Variants in SMIM13 observed in about 807,000 individuals in gnomAD.
SMIM13 encodes the protein UPF0766 protein C6orf228.
In SMIM13, 3 loss-of-function variants were observed where a neutral mutation model predicts 5.9. That is an observed-to-expected ratio of 0.51 (90% CI 0.23 to 1.31). The LOEUF (loss-of-function observed/expected upper bound fraction) is 1.31. Ranked by LOEUF, SMIM13 falls within the 40% of genes most tolerant of loss-of-function variation. The pLI is 0.18. For synonymous variants in SMIM13, 55 were observed against 46.0 expected (o/e 1.19, Z -0.79); for missense variants, 85 against 109.9 (o/e 0.77, Z 1.01).
chr6:11,124,516 A>G (rs1211400990), intron 1 of SMIM13, among the ~76,000 whole-genome samples: 1 of 152,030 alleles, frequency 6.6e-6, no homozygotes, highest in Non-Finnish European at 1.5e-5. Context: ...TAGGTGGGGA[A>G]ATACCTAGCA....
At chr6:11,095,591 A>G (rs2113634349) in intron 1 of SMIM13, among the ~76,000 whole-genome samples, 1 of 152,326 alleles carries the variant, frequency 6.6e-6, no homozygotes. Context: ...ACCTCATGTG[A>G]TCTACCCGCC....
At chr6:11,101,991 G>A (rs1256344957) in intron 1 of SMIM13, among the ~76,000 whole-genome samples, 2 of 152,116 alleles carry the variant, frequency 1.3e-5, no homozygotes, top group East Asian at 3.9e-4. Context: ...GCCCACCTCA[G>A]CCTCCCAAAG....
At chr6:11,127,835 T>C (rs549259828) in intron 1 of SMIM13, among the ~76,000 whole-genome samples, 13 of 152,210 alleles carry the variant, frequency 8.5e-5, no homozygotes, top group African/African-American at 3.1e-4. Flanking sequence ...GTGGTGAGAT[T>C]TGGGTGGGGA....
intron 1 of SMIM13, among the ~76,000 whole-genome samples, chr6:11,120,597 CA>C (rs1758297158): frequency 6.6e-6 from 1 of 152,200 alleles, no homozygotes; most frequent in Non-Finnish European, 1.5e-5. Flanking sequence ...TGGGAGCACA[CA>C]AACATTCAGA....
chr6:11,128,953 C>T (rs556369039), intron 1 of SMIM13, among the ~76,000 whole-genome samples: 3 of 152,184 alleles, frequency 2.0e-5, no homozygotes, highest in African/African-American at 7.2e-5. Context: ...TTCCTACCCT[C>T]TTCAGTGCCT....
rs557762758 is a variant in SMIM13, at chr6:11,119,980, A to G, written c.77-14423A>G. 1.1e-3 allele frequency among the ~76,000 whole-genome samples: 160 copies of G among 152,338 alleles called. 1 individual carries two copies. In the South Asian group the frequency reaches 0.023, roughly 22 times the overall value. ...GAGCTTGGCTTACTTGGTTTAGTCT[A>G]CATTTAGGATTTGGACATACTGTCT... On this transcript the variant is annotated intron_variant, in intron 1 of 1. Coordinates refer to ENST00000416247, the MANE Select transcript of SMIM13 (RefSeq NM_001135575.2).
chr6:11,117,324 C>T (rs1490118811), intron 1 of SMIM13, among the ~76,000 whole-genome samples: 11 of 135,176 alleles, frequency 8.1e-5, no homozygotes, highest in East Asian at 6.5e-4. Context: ...CCACTACGCC[C>T]GGCTAATTTT....
At chr6:11,103,575 G>T in intron 1 of SMIM13, 1 of 1,407,082 alleles carries the variant, frequency 7.1e-7, no homozygotes, top group Non-Finnish European at 9.3e-7. Context: ...CCTCTTGCTA[G>T]CTGTCAGGGC....
chr6:11,103,545 G>A, intron 1 of SMIM13: 1 of 1,179,574 alleles, frequency 8.5e-7, no homozygotes, highest in Middle Eastern at 2.1e-4. Flanking sequence ...GGGCTGTAGT[G>A]GTTGTTCTGT....
intron 1 of SMIM13, among the ~76,000 whole-genome samples, chr6:11,116,529 T>C (rs1038148075): frequency 5.3e-5 from 8 of 152,276 alleles, no homozygotes; most frequent in Non-Finnish European, 8.8e-5. Flanking sequence ...AAATTCTGTT[T>C]CTTTATTAGA....
chr6:11,116,795 T>G (rs1758245100), intron 1 of SMIM13, among the ~76,000 whole-genome samples: 1 of 152,106 alleles, frequency 6.6e-6, no homozygotes, highest in Non-Finnish European at 1.5e-5. Flanking sequence ...TTTAATTGAT[T>G]GTTTTCTCCC....
At chr6:11,107,587 A>G (rs1758105309) in intron 1 of SMIM13, among the ~76,000 whole-genome samples, 1 of 152,188 alleles carries the variant, frequency 6.6e-6, no homozygotes, top group African/African-American at 2.4e-5. Context: ...GCAAATAGAA[A>G]TTGGGAGGAT....
chr6:11,133,144 C>T (rs546431841), intron 1 of SMIM13, among the ~76,000 whole-genome samples: 49 of 152,218 alleles, frequency 3.2e-4, no homozygotes, highest in African/African-American at 1.1e-3. Context: ...TCCACTAATT[C>T]GCTCTGCCTG....
In SMIM13 at chr6:11,134,551, C is replaced by T. The variant is rs865858113; in HGVS notation, c.225C>T (p.Ser75=). Residue 75 remains serine, a synonymous_variant, in exon 2 of 2, where the codon TCC becomes TCT. Transcript: ENST00000416247. Reference sequence around the variant, plus strand: ...CCTCCTCTCCACACAGAATCAGATCCGCTCGCCAAAGGAGGGCACCTGCTG... The same window carrying T: ...CCTCCTCTCCACACAGAATCAGATCTGCTCGCCAAAGGAGGGCACCTGCTG... ...DTSSSPHRIR[S]ARQRRAPADE... is the part of the protein sequence containing the mutation. 7 of 1,549,836 alleles carry T rather than the reference C, an allele frequency of 4.5e-6. No homozygotes were observed. Among genetic ancestry groups the T allele is most frequent in the African/African-American group, 2.7e-5 (2 of 72,978 alleles).
At chr6:11,109,811 G>A (rs1758141699) in intron 1 of SMIM13, among the ~76,000 whole-genome samples, 1 of 152,130 alleles carries the variant, frequency 6.6e-6, no homozygotes. Flanking sequence ...CTAGTAGTGT[G>A]TCCTGTGGTA....
chr6:11,120,537 C>A (rs9461493), intron 1 of SMIM13, among the ~76,000 whole-genome samples: 1 of 152,076 alleles, frequency 6.6e-6, no homozygotes, highest in African/African-American at 2.4e-5. Context: ...CCCAGAGGCT[C>A]CACCTGCAAA....
At chr6:11,109,094 A>ACCAGTGTCAGGCATT (rs1315524381) in intron 1 of SMIM13, among the ~76,000 whole-genome samples, 12 of 152,146 alleles carry the variant, frequency 7.9e-5, no homozygotes, top group African/African-American at 2.9e-4. Context: ...CAGGGTAGCC[A>ACCAGTGTCAGGCATT]CCAGTGTCAG....
At chr6:11,121,666 A>C (rs1422261974) in intron 1 of SMIM13, among the ~76,000 whole-genome samples, 1 of 152,234 alleles carries the variant, frequency 6.6e-6, no homozygotes, top group Non-Finnish European at 1.5e-5. Flanking sequence ...TTTCTATTAC[A>C]TAACTTTGCA....
intron 1 of SMIM13, among the ~76,000 whole-genome samples, chr6:11,130,943 T>C (rs1344848319): frequency 6.6e-6 from 1 of 152,188 alleles, no homozygotes; most frequent in Admixed American, 6.5e-5. Flanking sequence ...TAGCCACTGT[T>C]GGAATCTTTG....
Sources: allele counts gnomAD v4.1 joint callset (sites outside exome capture counted in the v4.1 genomes callset), GRCh38; gene constraint gnomAD v4.1.1; transcripts MANE v1.5; gene names NCBI Gene and HGNC (gene_info 2026-07-23, HGNC 2026-07-21).